PTPRM: variants seen among roughly 807,000 people sequenced by gnomAD.
PTPRM encodes the protein protein tyrosine phosphatase receptor type M.
A neutral mutation model predicts 186.7 loss-of-function variants in PTPRM; 47 were observed. That is an observed-to-expected ratio of 0.25 (90% CI 0.20 to 0.32). The LOEUF is 0.32. Ranked by LOEUF, PTPRM falls within the 10% of genes least tolerant of loss-of-function variation. PTPRM has a pLI of 1.00. For missense variants in PTPRM, 1,494 were observed against 1,865.0 expected, an observed-to-expected ratio of 0.80 and a Z score of 3.66; for synonymous variants, 668 against 674.9, an observed-to-expected ratio of 0.99 and a Z score of 0.16.
At chr18:8,364,109 T>C (rs6506577) in intron 23 of PTPRM, among the ~76,000 whole-genome samples, 66,655 of 152,042 alleles carry the variant, frequency 0.44, 14,719 homozygotes, top group South Asian at 0.48. Flanking sequence ...AGTTTTGAAA[T>C]AATCTTCAAG....
chr18:7,827,827 A>G (rs903485731), intron 2 of PTPRM, among the ~76,000 whole-genome samples: 3 of 152,208 alleles, frequency 2.0e-5, no homozygotes, highest in South Asian at 2.1e-4. Flanking sequence ...GTCAGGAGGC[A>G]TGGTTTTCTC....
At chr18:8,035,152 T>G (rs949917365) in intron 7 of PTPRM, among the ~76,000 whole-genome samples, 1 of 152,210 alleles carries the variant, frequency 6.6e-6, no homozygotes, top group Non-Finnish European at 1.5e-5. Flanking sequence ...TATCAAATGC[T>G]GATGTCTTTG....
chr18:8,283,418 G>T (rs1429760394), intron 19 of PTPRM, among the ~76,000 whole-genome samples: 2 of 152,158 alleles, frequency 1.3e-5, no homozygotes, highest in African/African-American at 4.8e-5. Context: ...TGATTATCCT[G>T]ATAATAAGGT....
intron 7 of PTPRM, among the ~76,000 whole-genome samples, chr18:8,003,810 C>T (rs2084012815): frequency 6.6e-6 from 1 of 152,238 alleles, no homozygotes. Flanking sequence ...GCTGGCATTC[C>T]TTACCTGCTC....
chr18:7,746,320 A>G (rs1429134124), intron 1 of PTPRM, among the ~76,000 whole-genome samples: 1 of 152,222 alleles, frequency 6.6e-6, no homozygotes, highest in East Asian at 1.9e-4. Context: ...AATGGAATCC[A>G]GAAGACAATG....
intron 1 of PTPRM, among the ~76,000 whole-genome samples, chr18:7,644,332 A>G (rs559254161): frequency 6.6e-6 from 1 of 152,256 alleles, no homozygotes; most frequent in Non-Finnish European, 1.5e-5. Flanking sequence ...TACTGTGGAA[A>G]CATTTTAAAC....
chr18:8,142,537 G>T (rs1238391981), intron 13 of PTPRM, among the ~76,000 whole-genome samples: 4 of 152,092 alleles, frequency 2.6e-5, no homozygotes, highest in Non-Finnish European at 5.9e-5. Context: ...CCTGGTCTTG[G>T]GGGCTCAGAC....
chr18:7,893,432 A>G (rs1301461117), intron 3 of PTPRM, among the ~76,000 whole-genome samples: 3 of 152,216 alleles, frequency 2.0e-5, no homozygotes, highest in African/African-American at 7.2e-5. Flanking sequence ...TAAGTATATA[A>G]TGAAAATAAA....
At chr18:7,762,304 A>G (rs938315310) in intron 1 of PTPRM, among the ~76,000 whole-genome samples, 7 of 151,974 alleles carry the variant, frequency 4.6e-5, no homozygotes, top group Non-Finnish European at 2.9e-5. Context: ...AAAGTGTGCA[A>G]GAGTTTTCCA....
intron 26 of PTPRM, 70 bp downstream of exon 26, chr18:8,376,667 G>A (rs640279): frequency 0.057 from 85,932 of 1,505,546 alleles, 2,791 homozygotes; most frequent in Non-Finnish European, 0.064. Context: ...CCATTTCAGG[G>A]CCAAGGGCAC....
intron 23 of PTPRM, among the ~76,000 whole-genome samples, chr18:8,348,097 C>T (rs1488006686): frequency 6.6e-6 from 1 of 152,226 alleles, no homozygotes; most frequent in Admixed American, 6.5e-5. Context: ...ACAAACCACC[C>T]AAGAAATCAA....
chr18:8,234,056 A>G lies in PTPRM; in HGVS notation c.2301-10002A>G, dbSNP rs201595947. On this transcript the variant is annotated intron_variant, in intron 14 of 32. Coordinates refer to ENST00000580170, the MANE Select transcript of PTPRM (RefSeq NM_001105244.2). ...ATAGTAAGTCTGGAAGTCAGGTAGT[A>G]TCAATCTTCCAACTTTTTTCTAATC... Among the ~76,000 whole-genome samples, 11 of 152,296 alleles carry G rather than the reference A, an allele frequency of 7.2e-5. No homozygotes were observed. In the East Asian group the frequency reaches 9.6e-4, roughly 13 times the overall value.
At chr18:7,644,253 C>G (rs1422857342) in intron 1 of PTPRM, among the ~76,000 whole-genome samples, 1 of 152,058 alleles carries the variant, frequency 6.6e-6, no homozygotes, top group African/African-American at 2.4e-5. Context: ...TTGTTAGATA[C>G]TATATTACCT....
intron 4 of PTPRM, among the ~76,000 whole-genome samples, chr18:7,924,256 A>G (rs1277454497): frequency 6.6e-6 from 1 of 152,196 alleles, no homozygotes; most frequent in Non-Finnish European, 1.5e-5. Context: ...TTATCAAGTC[A>G]TCCAGCTTCA....
rs750843900 is a variant in PTPRM, at chr18:8,376,082, C to T, written c.3208C>T (p.His1070Tyr). The T allele has an allele frequency of 6.2e-7, 1 of 1,613,832 alleles. No homozygotes were observed. Among genetic ancestry groups the T allele is most frequent in the Non-Finnish European group, 8.5e-7 (1 of 1,179,740 alleles). The change falls in exon 25 of 33, where the codon CAC (histidine) becomes TAC (tyrosine). Residue 1070 changes from histidine (H) to tyrosine (Y), a missense_variant. Around this residue, in one of 3 missense-constraint regions of PTPRM, gnomAD observed 1,107 missense variants for 1,350.2 expected, o/e 0.82. Coordinates refer to ENST00000580170, the MANE Select transcript of PTPRM (RefSeq NM_001105244.2). ...VHEIREIRQF[H>Y]FTGWPDHGVP... ...TGAAATCCGAGAGATCAGACAGTTT[C>T]ACTTCACTGGCTGGCCGGATCATGG...
At chr18:8,111,338 C>T (rs1482896996) in intron 11 of PTPRM, among the ~76,000 whole-genome samples, 5 of 152,132 alleles carry the variant, frequency 3.3e-5, no homozygotes, top group South Asian at 2.1e-4. Flanking sequence ...ATTGGCCAGG[C>T]GCAGTGGCTC....
At chr18:7,700,909 G>A (rs1309588728) in intron 1 of PTPRM, among the ~76,000 whole-genome samples, 3 of 145,332 alleles carry the variant, frequency 2.1e-5, no homozygotes, top group South Asian at 2.2e-4. Flanking sequence ...CCCAGGAGAC[G>A]GAGGTTGCAG....
intron 2 of PTPRM, among the ~76,000 whole-genome samples, chr18:7,851,678 A>C (rs1217462665): frequency 2.6e-5 from 4 of 152,244 alleles, no homozygotes; most frequent in East Asian, 1.9e-4. Flanking sequence ...TACCAGCAGA[A>C]TTGCACCAAA....
intron 1 of PTPRM, among the ~76,000 whole-genome samples, chr18:7,630,065 A>C (rs1012281800): frequency 6.6e-6 from 1 of 152,052 alleles, no homozygotes; most frequent in Non-Finnish European, 1.5e-5. Context: ...GTTTGTGGGA[A>C]TGTTTTGAAC....
Sources: allele counts gnomAD v4.1 joint callset (sites outside exome capture counted in the v4.1 genomes callset), GRCh38; gene constraint gnomAD v4.1.1; regional missense constraint gnomAD v4.1.1; transcripts MANE v1.5; gene names NCBI Gene and HGNC (gene_info 2026-07-23, HGNC 2026-07-21).